The following DEPDC5 variants were observed in gnomAD, a reference collection of about 807,000 sequenced individuals.
DEPDC5 encodes GATOR1 complex protein DEPDC5.
In DEPDC5, 73 loss-of-function variants were observed where a neutral mutation model predicts 217.3. The ratio of observed to expected loss-of-function variants is 0.34; its 90% CI spans 0.28 to 0.41. The LOEUF (loss-of-function observed/expected upper bound fraction) is 0.41, where lower values mean the gene tolerates loss of function less well. DEPDC5 is among the 10% of genes least tolerant of loss of function. DEPDC5 has a pLI of 1.00. For missense variants in DEPDC5, 1,675 were observed against 2,070.1 expected, an observed-to-expected ratio of 0.81 and a Z score of 3.70; for synonymous variants, 733 against 756.7, an observed-to-expected ratio of 0.97 and a Z score of 0.51.
chr22:31,885,582 A>G (rs136872), intron 38 of DEPDC5, among the ~76,000 whole-genome samples: 142,624 of 151,874 alleles, frequency 0.94, 67,081 homozygotes, highest in East Asian at 1. Context: ...AAAATTAGCC[A>G]GGCATGGTGG....
intron 37 of DEPDC5, among the ~76,000 whole-genome samples, chr22:31,876,934 C>T (rs899958921): frequency 2.0e-5 from 3 of 152,278 alleles, no homozygotes; most frequent in Non-Finnish European, 4.4e-5. Flanking sequence ...TGGCAGATCA[C>T]TTGACGTCAA....
intron 10 of DEPDC5, among the ~76,000 whole-genome samples, chr22:31,786,858 C>T (rs1269639891): frequency 6.6e-6 from 1 of 152,018 alleles, no homozygotes; most frequent in Non-Finnish European, 1.5e-5. Context: ...GATTCTCCCA[C>T]CTGCCTCAAT....
chr22:31,759,714 G>C (rs1319884424), intron 3 of DEPDC5, among the ~76,000 whole-genome samples: 4 of 105,312 alleles, frequency 3.8e-5, no homozygotes, highest in African/African-American at 1.5e-4. Flanking sequence ...ACAGAGTCTC[G>C]CTCTGTCACC....
chr22:31,844,865 T>G, intron 29 of DEPDC5, 153 bp from the exon 30 acceptor site: 1 of 810,048 alleles, frequency 1.2e-6, no homozygotes, highest in East Asian at 2.7e-5. Flanking sequence ...TCAGAACTTG[T>G]ATTTTCAACA....
At chr22:31,867,174 G>A (rs2092712305) in intron 33 of DEPDC5, among the ~76,000 whole-genome samples, 1 of 152,074 alleles carries the variant, frequency 6.6e-6, no homozygotes, top group South Asian at 2.1e-4. Context: ...CATCCTACCT[G>A]CTATTTATCT....
intron 7 of DEPDC5, 65 bp downstream of exon 7, chr22:31,768,928 T>C: frequency 6.4e-7 from 1 of 1,563,812 alleles, no homozygotes; most frequent in Admixed American, 1.7e-5. Context: ...AGTGGAGGCG[T>C]ATGGATGTCC....
chr22:31,766,528 C>G, intron 5 of DEPDC5, 57 bp from the exon 6 acceptor site: 1 of 1,559,530 alleles, frequency 6.4e-7, no homozygotes, highest in Admixed American at 1.7e-5. Context: ...GCATTACCTT[C>G]TGACTATAAA....
At chr22:31,855,566 G>T (rs2092256047) in intron 31 of DEPDC5, among the ~76,000 whole-genome samples, 1 of 151,598 alleles carries the variant, frequency 6.6e-6, no homozygotes, top group African/African-American at 2.4e-5. Context: ...TTTTAGTAGA[G>T]ACGGGGTTTC....
intron 38 of DEPDC5, among the ~76,000 whole-genome samples, chr22:31,880,458 C>A (rs1381049136): frequency 6.6e-6 from 1 of 152,224 alleles, no homozygotes; most frequent in Non-Finnish European, 1.5e-5. Flanking sequence ...GTTGGAGGAT[C>A]CTGAAAGCCC....
intron 37 of DEPDC5, among the ~76,000 whole-genome samples, chr22:31,876,753 CTTT>C (rs1382368392): frequency 6.6e-6 from 1 of 151,874 alleles, no homozygotes; most frequent in Non-Finnish European, 1.5e-5. Flanking sequence ...GGTTTTTTTT[CTTT>C]TGTTTGGTTT....
In DEPDC5 at chr22:31,846,855, T is replaced by A; in HGVS notation, c.3043T>A (p.Leu1015Met). Residue 1015 changes from leucine (L) to methionine (M), a missense_variant, in exon 31 of 43, where the codon TTG becomes ATG. Physicochemically the swap from Leu to Met is conservative, Grantham distance 15 (BLOSUM62 2). This residue lies in a region of DEPDC5 where 293 missense variants were observed against 386.1 expected (regional missense o/e 0.76). Coordinates refer to ENST00000651528, the MANE Select transcript of DEPDC5 (RefSeq NM_001242896.3). ...TTAGAAAGGGACCGCCATGAAAGGC[T>A]TGCAGATGACTGGGCCCATTTCCAC... ...MMRKGTAMKGLQMTGPISTHS... is the reference protein window; with the variant it reads ...MMRKGTAMKGMQMTGPISTHS... 1 of 1,614,204 alleles carries A rather than the reference T, an allele frequency of 6.2e-7. No homozygotes were observed. Among genetic ancestry groups the A allele is most frequent in the African/African-American group, 1.3e-5 (1 of 75,072 alleles).
rs1413574600 is a variant in DEPDC5 at position 31,887,048 on chromosome 22, G to A, written c.4034-6534G>A. ...CGGTGAGCTGAGATCGTGCCATTACGCTCCAGCCTGGACGACAGGGCGAGA... is the reference window on the plus strand; with the variant it reads ...CGGTGAGCTGAGATCGTGCCATTACACTCCAGCCTGGACGACAGGGCGAGA... On this transcript the variant is annotated intron_variant, in intron 38 of 42. Transcript: ENST00000651528. Among the ~76,000 whole-genome samples, 3 of 147,886 alleles carry A rather than the reference G, an allele frequency of 2.0e-5. 1 individual carries two copies. In the Admixed American group the frequency reaches 2.0e-4, roughly 10 times the overall value.
chr22:31,901,691 A>T lies in DEPDC5; in HGVS notation c.4376-51A>T, dbSNP rs374200755. The T allele has an allele frequency of 5.3e-6, 8 of 1,520,754 alleles. No individual in the cohort carries two copies. In the African/African-American group the frequency reaches 1.1e-4, roughly 21 times the overall value. 94.2% of individuals were successfully genotyped at this position (1,520,754 alleles called of 1,614,324 possible). On this transcript the variant is annotated intron_variant, in intron 40 of 42. Coordinates refer to ENST00000651528, the MANE Select transcript of DEPDC5 (RefSeq NM_001242896.3). ...GGTACAGAAGACTGGCCCAGAGAGAATTACAAACCTTGTGATCACAACCCA... is the reference window on the plus strand; with the variant it reads ...GGTACAGAAGACTGGCCCAGAGAGATTTACAAACCTTGTGATCACAACCCA...
Position 31,766,563 on chromosome 22 carries a change from A to G in DEPDC5, c.280-22A>G, listed in dbSNP as rs750479864. The G allele has an allele frequency of 5.2e-5, 84 of 1,608,890 alleles. No individual in the cohort carries two copies. In the East Asian group the frequency reaches 1.8e-3, roughly 35 times the overall value. Reference sequence around the variant, plus strand: ...AGTGTGGCAAAGTAATGTCAGAGATATCATTTGATTATTCCTTTTAGGATG... The same window carrying G: ...AGTGTGGCAAAGTAATGTCAGAGATGTCATTTGATTATTCCTTTTAGGATG... On this transcript the variant is annotated intron_variant, in intron 5 of 42. Coordinates refer to ENST00000651528, the MANE Select transcript of DEPDC5 (RefSeq NM_001242896.3).
intron 2 of DEPDC5, chr22:31,755,659 C>G (rs1268650213): frequency 6.6e-6 from 1 of 152,018 alleles, no homozygotes; most frequent in Non-Finnish European, 1.5e-5. Flanking sequence ...CCACCTCAAC[C>G]TCAACCTCCC....
intron 7 of DEPDC5, among the ~76,000 whole-genome samples, chr22:31,774,272 G>T (rs952240415): frequency 2.7e-5 from 4 of 149,948 alleles, no homozygotes; most frequent in Admixed American, 2.7e-4. Context: ...CGTGATCTTG[G>T]CTCTGCAACC....
chr22:31,886,755 CA>C (rs1224610835), intron 38 of DEPDC5, among the ~76,000 whole-genome samples: 1,453 of 52,134 alleles, frequency 0.028, 7 homozygotes, highest in Non-Finnish European at 0.041. Flanking sequence ...GTCTCCATCT[CA>C]AAAAAAAAAA....
chr22:31,856,389 G>A (rs1234684578), intron 31 of DEPDC5, among the ~76,000 whole-genome samples: 4 of 152,222 alleles, frequency 2.6e-5, no homozygotes, highest in African/African-American at 4.8e-5. Flanking sequence ...GACCTGCCTC[G>A]CACTGTCCAT....
chr22:31,818,930 C>G, intron 21 of DEPDC5, 92 bp from the exon 22 acceptor site: 1 of 1,316,274 alleles, frequency 7.6e-7, no homozygotes, highest in Non-Finnish European at 1.1e-6. Context: ...GCCCAAGATT[C>G]TTGTCAGCCT....
Sources: gnomAD v4.1 joint callset for allele counts (sites outside exome capture counted in the v4.1 genomes callset) on GRCh38, gnomAD v4.1.1 for gene constraint, gnomAD v4.1.1 regional missense constraint, MANE v1.5 for transcripts, NCBI Gene and HGNC (gene_info 2026-07-23, HGNC 2026-07-21) for gene names.